Variants in HEMK2 observed in about 807,000 individuals in gnomAD.
The protein encoded by HEMK2 is methyltransferase HEMK2.
chr21:28,658,550 G>A, the HEMK2 span, among the ~76,000 whole-genome samples: 1 of 152,056 alleles, frequency 6.6e-6, no homozygotes, highest in Non-Finnish European at 1.5e-5. Context: ...GCCTGCAGGA[G>A]GTTGTAATCT....
chr21:28,874,833 C>A, the HEMK2 span: 3 of 152,232 alleles, frequency 2.0e-5, no homozygotes, highest in African/African-American at 7.2e-5. Flanking sequence ...CTGGCCACGG[C>A]CTATGAATTG....
chr21:28,882,078 A>C, the HEMK2 span: 2 of 1,076,832 alleles, frequency 1.9e-6, no homozygotes, highest in African/African-American at 1.6e-5. Context: ...TCAAAAGTTA[A>C]TTACTTACCA....
At chr21:28,872,208 T>G in the HEMK2 span, 3 of 152,068 alleles carry the variant, frequency 2.0e-5, no homozygotes, top group African/African-American at 7.2e-5. Context: ...AGGGCAGAAT[T>G]TATTAGGCAA....
the HEMK2 span, among the ~76,000 whole-genome samples, chr21:28,801,997 A>G: frequency 3.3e-5 from 5 of 152,214 alleles, no homozygotes; most frequent in Admixed American, 6.5e-5. Flanking sequence ...ATATATATAT[A>G]AGCTTTGGCT....
chr21:28,608,534 C>T, the HEMK2 span, among the ~76,000 whole-genome samples: 4 of 152,044 alleles, frequency 2.6e-5, no homozygotes, highest in Non-Finnish European at 4.4e-5. Context: ...AGGAACATAA[C>T]AGGAAACCCA....
At chr21:28,606,025 C>T in the HEMK2 span, among the ~76,000 whole-genome samples, 9 of 152,040 alleles carry the variant, frequency 5.9e-5, no homozygotes, top group Non-Finnish European at 1.0e-4. Context: ...CACACACATA[C>T]ACTCACACAA....
chr21:28,767,094 G>A, the HEMK2 span, among the ~76,000 whole-genome samples: 1 of 152,124 alleles, frequency 6.6e-6, no homozygotes, highest in South Asian at 2.1e-4. Context: ...TAGTAAATAA[G>A]TTTCATGAGA....
chr21:28,763,944 T>C, the HEMK2 span, among the ~76,000 whole-genome samples: 1 of 152,016 alleles, frequency 6.6e-6, no homozygotes, highest in African/African-American at 2.4e-5. Context: ...GACTGAAAAC[T>C]CCAGCTTCCT....
chr21:28,635,235 T>A, the HEMK2 span, among the ~76,000 whole-genome samples: 3 of 151,990 alleles, frequency 2.0e-5, no homozygotes, highest in Non-Finnish European at 4.4e-5. Flanking sequence ...CCAAGCTAGC[T>A]GGCATTACGG....
chr21:28,678,357 A>G, the HEMK2 span, among the ~76,000 whole-genome samples: 1 of 152,192 alleles, frequency 6.6e-6, no homozygotes, highest in Non-Finnish European at 1.5e-5. Flanking sequence ...AAGAATAAAA[A>G]CAAACGAACA....
At chr21:28,757,489 T>C in the HEMK2 span, among the ~76,000 whole-genome samples, 7 of 152,158 alleles carry the variant, frequency 4.6e-5, no homozygotes, top group African/African-American at 1.7e-4. Flanking sequence ...CAAATGCAGC[T>C]GCATGAGTAA....
At chr21:28,770,112 G>T in the HEMK2 span, among the ~76,000 whole-genome samples, 5 of 152,214 alleles carry the variant, frequency 3.3e-5, no homozygotes, top group African/African-American at 9.6e-5. Context: ...CTAAAGCAAG[G>T]CTTTTGTGAC....
the HEMK2 span, among the ~76,000 whole-genome samples, chr21:28,833,868 A>G: frequency 9.8e-5 from 15 of 152,364 alleles, no homozygotes; most frequent in Admixed American, 2.0e-4. Flanking sequence ...TGCAGAAAAG[A>G]GTTAACTCAG....
At chr21:28,721,604 G>A in the HEMK2 span, among the ~76,000 whole-genome samples, 6 of 151,812 alleles carry the variant, frequency 4.0e-5, no homozygotes, top group Non-Finnish European at 4.4e-5. Flanking sequence ...GAATTGGGAG[G>A]ATTTATAGTA....
chr21:28,656,733 C>A, the HEMK2 span, among the ~76,000 whole-genome samples: 1 of 152,042 alleles, frequency 6.6e-6, no homozygotes, highest in African/African-American at 2.4e-5. Context: ...GTCCACATGC[C>A]ACTGTTAATT....
At chr21:28,681,925 T>C in the HEMK2 span, among the ~76,000 whole-genome samples, 756 of 152,318 alleles carry the variant, frequency 5.0e-3, 7 homozygotes, top group African/African-American at 0.017. Context: ...GACTTATATG[T>C]TAGACCTAAA....
At chr21:28,649,603 A>C in the HEMK2 span, among the ~76,000 whole-genome samples, 1 of 152,218 alleles carries the variant, frequency 6.6e-6, no homozygotes, top group Non-Finnish European at 1.5e-5. Flanking sequence ...AAGTAAATAA[A>C]TGTTATGCTG....
the HEMK2 span, among the ~76,000 whole-genome samples, chr21:28,660,799 A>C: frequency 6.6e-6 from 1 of 152,088 alleles, no homozygotes; most frequent in Non-Finnish European, 1.5e-5. Context: ...TTTTTGGAAG[A>C]ATTTGTAAAT....
At chr21:28,622,463 G>T in the HEMK2 span, among the ~76,000 whole-genome samples, 3 of 152,106 alleles carry the variant, frequency 2.0e-5, no homozygotes, top group African/African-American at 7.2e-5. Flanking sequence ...TTTCTTCACA[G>T]AATTAGAAGA....
Sources: allele counts gnomAD v4.1 joint callset (sites outside exome capture counted in the v4.1 genomes callset), GRCh38; gene constraint gnomAD v4.1.1; transcripts MANE v1.5; gene names NCBI Gene and HGNC (gene_info 2026-07-23, HGNC 2026-07-21).